The following DOCK2 variants were observed in gnomAD, a reference collection of about 807,000 sequenced individuals.
The protein encoded by DOCK2 is dedicator of cytokinesis 2, also known as dedicator of cytokinesis protein 2.
A neutral mutation model predicts 248.9 loss-of-function variants in DOCK2; 87 were observed. That is an observed-to-expected ratio of 0.35 (90% CI 0.29 to 0.42). DOCK2 has a LOEUF of 0.42. Among genes scored for constraint, DOCK2 ranks in the 10% least tolerant of loss-of-function variants. DOCK2 has a pLI of 1.00. For missense variants in DOCK2, 1,747 were observed against 2,300.2 expected (o/e 0.76, Z 4.92); for synonymous variants, 805 against 821.6 (o/e 0.98, Z 0.35).
At chr5:169,819,805 G>T (rs987382629) in intron 26 of DOCK2, among the ~76,000 whole-genome samples, 1 of 152,230 alleles carries the variant, frequency 6.6e-6, no homozygotes, top group African/African-American at 2.4e-5. Context: ...CCGAGCGTGC[G>T]CTGAGGCGGG....
At chr5:170,040,940 G>A in intron 36 of DOCK2, 115 bp from the exon 37 acceptor site, 1 of 789,558 alleles carries the variant, frequency 1.3e-6, no homozygotes, top group Non-Finnish European at 2.0e-6. Flanking sequence ...CAGGGAGGAG[G>A]ACTTTCTTGC....
At chr5:169,823,474 G>A (rs1330985448) in intron 26 of DOCK2, among the ~76,000 whole-genome samples, 1 of 152,052 alleles carries the variant, frequency 6.6e-6, no homozygotes, top group African/African-American at 2.4e-5. Context: ...ATATACGCAA[G>A]TCAATAAATG....
At chr5:169,773,132 C>A (rs1321128608) in intron 25 of DOCK2, 1 of 152,202 alleles carries the variant, frequency 6.6e-6, no homozygotes, top group East Asian at 1.9e-4. Flanking sequence ...CTCAAATCCT[C>A]TCTTCCTGTT....
intron 38 of DOCK2, 58 bp downstream of exon 38, chr5:170,042,190 T>C: frequency 1.3e-6 from 2 of 1,525,970 alleles, no homozygotes; most frequent in Non-Finnish European, 1.8e-6. Context: ...GATGGTTCTC[T>C]CCCATACCTT....
intron 25 of DOCK2, among the ~76,000 whole-genome samples, chr5:169,801,838 CCT>C (rs980976876): frequency 1.3e-5 from 2 of 150,134 alleles, no homozygotes; most frequent in Non-Finnish European, 3.0e-5. Context: ...CCTGTAATCA[CCT>C]CTGTCAGTTT....
chr5:169,671,724 A>G (rs1282565359), intron 5 of DOCK2, among the ~76,000 whole-genome samples: 1 of 152,234 alleles, frequency 6.6e-6, no homozygotes, highest in Non-Finnish European at 1.5e-5. Flanking sequence ...CAATTAGCTA[A>G]GCAAACCATT....
At chr5:169,760,303 A>G (rs1329798327) in intron 24 of DOCK2, among the ~76,000 whole-genome samples, 1 of 152,240 alleles carries the variant, frequency 6.6e-6, no homozygotes, top group Non-Finnish European at 1.5e-5. Flanking sequence ...TAGTTTACAG[A>G]TAACAGACTT....
At chr5:169,935,379 G>A (rs1398728932) in intron 27 of DOCK2, among the ~76,000 whole-genome samples, 3 of 151,988 alleles carry the variant, frequency 2.0e-5, no homozygotes, top group African/African-American at 7.3e-5. Flanking sequence ...AACCATCGCA[G>A]AGGCCTAGAA....
At chr5:169,717,625 CTTGGGTTA>C in intron 21 of DOCK2, 141 bp downstream of exon 21, 1 of 765,856 alleles carries the variant, frequency 1.3e-6, no homozygotes, top group Non-Finnish European at 2.2e-6. Flanking sequence ...CTAACCTATG[CTTGGGTTA>C]TTTGGATATC....
intron 50 of DOCK2, chr5:170,081,631 G>C: frequency 1.7e-6 from 1 of 596,382 alleles, no homozygotes; most frequent in Non-Finnish European, 2.9e-6. Flanking sequence ...CTGAACCCTT[G>C]TCTGTAGGGT....
chr5:169,740,348 T>C (rs952296394), intron 22 of DOCK2, among the ~76,000 whole-genome samples: 2 of 152,200 alleles, frequency 1.3e-5, no homozygotes, highest in African/African-American at 4.8e-5. Context: ...TCTTCAGTGA[T>C]TGCATTAATT....
chr5:169,924,615 T>C (rs1290850013), intron 27 of DOCK2, among the ~76,000 whole-genome samples: 2 of 152,202 alleles, frequency 1.3e-5, no homozygotes, highest in Admixed American at 6.5e-5. Context: ...TGAAGTTCAT[T>C]TGAACAAACT....
chr5:169,741,733 C>T (rs1763314870), intron 22 of DOCK2, among the ~76,000 whole-genome samples: 1 of 152,028 alleles, frequency 6.6e-6, no homozygotes, highest in Non-Finnish European at 1.5e-5. Context: ...GCCTCCCTAC[C>T]CACTGACTTG....
intron 22 of DOCK2, among the ~76,000 whole-genome samples, chr5:169,725,571 A>G (rs543785252): frequency 3.3e-5 from 5 of 152,196 alleles, no homozygotes; most frequent in African/African-American, 1.2e-4. Context: ...CATTTGTTAC[A>G]TAGGTATACA....
chr5:169,642,243 C>T (rs1037107057), intron 1 of DOCK2, among the ~76,000 whole-genome samples: 3 of 152,248 alleles, frequency 2.0e-5, no homozygotes, highest in Non-Finnish European at 4.4e-5. Context: ...TCTTCATTAA[C>T]TTCTTAAATA....
chr5:169,681,424 A>T (rs1009925903), intron 6 of DOCK2, among the ~76,000 whole-genome samples: 10 of 148,988 alleles, frequency 6.7e-5, no homozygotes, highest in African/African-American at 2.6e-4. Flanking sequence ...GTACCCAGCT[A>T]ACATTTTTTT....
At chr5:169,854,101 G>C (rs1395364359) in intron 27 of DOCK2, among the ~76,000 whole-genome samples, 1 of 151,684 alleles carries the variant, frequency 6.6e-6, no homozygotes, top group South Asian at 2.1e-4. Context: ...GGGATTACAG[G>C]TGTGAGCCAC....
chr5:169,705,821 T>A (rs1180327860), intron 14 of DOCK2, among the ~76,000 whole-genome samples: 2 of 152,206 alleles, frequency 1.3e-5, no homozygotes, highest in Non-Finnish European at 2.9e-5. Context: ...GCCTGGTTTT[T>A]CTTCCTGCAG....
At chr5:170,005,720 G>T (rs888207347) in intron 30 of DOCK2, among the ~76,000 whole-genome samples, 3 of 151,800 alleles carry the variant, frequency 2.0e-5, no homozygotes, top group Non-Finnish European at 4.4e-5. Context: ...GAATTTTATG[G>T]TATATAAATT....
Sources: allele counts gnomAD v4.1 joint callset (sites outside exome capture counted in the v4.1 genomes callset), GRCh38; gene constraint gnomAD v4.1.1; transcripts MANE v1.5; gene names NCBI Gene and HGNC (gene_info 2026-07-23, HGNC 2026-07-21).